Variants in RGS6 observed in about 807,000 individuals in gnomAD.
RGS6 encodes regulator of G-protein signaling 6.
In RGS6, 30 loss-of-function variants were observed where a neutral mutation model predicts 78.5. That is an observed-to-expected ratio of 0.38 (90% CI 0.29 to 0.52). The LOEUF (loss-of-function observed/expected upper bound fraction) is 0.52. Among genes scored for constraint, RGS6 ranks in the 20% least tolerant of loss-of-function variants. The pLI is 0.85. For synonymous variants in RGS6, 206 were observed against 206.0 expected (o/e 1.00, Z 0.00); for missense variants, 495 against 609.7 (o/e 0.81, Z 1.98).
At chr14:72,603,404 G>T in the RGS6 span, among the ~76,000 whole-genome samples, 1 of 152,212 alleles carries the variant, frequency 6.6e-6, no homozygotes, top group South Asian at 2.1e-4. Flanking sequence ...TTCTGATTCT[G>T]CCAGGGCCAT....
At position 72,510,166 on chromosome 14, in the gene RGS6, C is replaced by A; in HGVS notation, c.978C>A (p.Ser326Arg). ...LWDIEMSKEP[S>R]QQRVKRWGFS... ...CTTCACCCCAAAGCAAAGAGCCCAGCCAACAGCGAGTAAAAAGATGGGGCT... is the reference window on the plus strand; with the variant it reads ...CTTCACCCCAAAGCAAAGAGCCCAGACAACAGCGAGTAAAAAGATGGGGCT... The change falls in exon 14 of 18, where the codon AGC becomes AGA. Residue 326 changes from serine to arginine, a missense_variant. Physicochemically the swap from Ser to Arg is moderately radical, Grantham distance 110 (BLOSUM62 -1). Transcript: ENST00000553525. 6.2e-7 allele frequency: 1 copy of A among 1,610,016 alleles called. No homozygotes were observed. Among genetic ancestry groups the A allele is most frequent in the South Asian group, 1.1e-5 (1 of 90,096 alleles).
rs1387301746 is a variant in RGS6 at position 72,383,213 on chromosome 14, T to TATATATATATAC, written c.184+31020_184+31021insTATATATATACA. 3.1e-3 allele frequency among the ~76,000 whole-genome samples: 368 copies of TATATATATATAC among 118,196 alleles called. 16 individuals are homozygous for TATATATATATAC. Among genetic ancestry groups the TATATATATATAC allele is most frequent in the South Asian group, 5.7e-3 (19 of 3,350 alleles). 77.5% of individuals were successfully genotyped at this position (118,196 alleles called of 152,430 possible). ...ATATATATATATATATATATATATA[T>TATATATATATAC]ACACACAAACACACTAGTATGTGTG... On this transcript the variant is annotated intron_variant, in intron 3 of 17. Coordinates refer to ENST00000553525, the MANE Select transcript of RGS6 (RefSeq NM_001204424.2).
chr14:71,885,682 TTAA>T, the RGS6 span, among the ~76,000 whole-genome samples: 21 of 152,122 alleles, frequency 1.4e-4, no homozygotes, highest in Admixed American at 1.3e-3. Flanking sequence ...GGCTGCAAAA[TTAA>T]TAATACAGCG....
intron 2 of RGS6, among the ~76,000 whole-genome samples, chr14:72,239,428 CAGG>C (rs1330271818): frequency 6.6e-6 from 1 of 152,218 alleles, no homozygotes; most frequent in East Asian, 1.9e-4. Flanking sequence ...TGTGCCTCAT[CAGG>C]AGATTGTCTC....
At chr14:72,510,650 G>T (rs141996802) in intron 14 of RGS6, among the ~76,000 whole-genome samples, 1 of 152,216 alleles carries the variant, frequency 6.6e-6, no homozygotes, top group African/African-American at 2.4e-5. Context: ...AAACTTCCCA[G>T]TCTGGGGTCC....
At chr14:72,365,109 A>G (rs950964168) in intron 3 of RGS6, among the ~76,000 whole-genome samples, 6 of 152,226 alleles carry the variant, frequency 3.9e-5, no homozygotes, top group Admixed American at 6.5e-5. Context: ...ACACATAGCA[A>G]TATGCGGATG....
At chr14:72,622,322 G>T in the RGS6 span, among the ~76,000 whole-genome samples, 2 of 152,044 alleles carry the variant, frequency 1.3e-5, no homozygotes, top group African/African-American at 2.4e-5. Flanking sequence ...GACTGAAAAG[G>T]AACAGTCAGA....
At chr14:72,299,730 A>G (rs987394309) in intron 2 of RGS6, among the ~76,000 whole-genome samples, 3 of 152,220 alleles carry the variant, frequency 2.0e-5, no homozygotes, top group African/African-American at 4.8e-5. Context: ...CCTGATGGCT[A>G]ATGATGTTGA....
chr14:72,259,227 A>G (rs1410985265), intron 2 of RGS6, among the ~76,000 whole-genome samples: 1 of 152,230 alleles, frequency 6.6e-6, no homozygotes, highest in East Asian at 1.9e-4. Context: ...CAGATTTTGC[A>G]AAAATAACAT....
At chr14:72,079,751 CTT>C (rs927733629) in intron 2 of RGS6, among the ~76,000 whole-genome samples, 1 of 152,152 alleles carries the variant, frequency 6.6e-6, no homozygotes, top group African/African-American at 2.4e-5. Context: ...ATGAGTTCAA[CTT>C]TTTTTATTCT....
rs553442439 is a variant in RGS6 at position 71,973,577 on chromosome 14, T to A, written c.84+8702T>A. On this transcript the variant is annotated intron_variant, in intron 2 of 17. Transcript: ENST00000553525. The stretch of plus-strand genomic sequence containing the variant: ...GCACACGCCTGTAATCCCAGCTACT[T>A]GGGAGGCTGAGGCAGGAGAATCACT... 5.3e-5 allele frequency among the ~76,000 whole-genome samples: 8 copies of A among 152,200 alleles called. No homozygotes were observed. The East Asian group carries it at 1.5e-3, about 29-fold the overall frequency.
intron 13 of RGS6, among the ~76,000 whole-genome samples, chr14:72,502,742 C>T (rs1399245974): frequency 2.6e-5 from 4 of 151,686 alleles, no homozygotes; most frequent in Non-Finnish European, 5.9e-5. Flanking sequence ...CCAGCCTGAG[C>T]GACAGGGTGA....
chr14:72,230,585 C>A (rs1443507370), intron 2 of RGS6, among the ~76,000 whole-genome samples: 1 of 152,142 alleles, frequency 6.6e-6, no homozygotes, highest in Non-Finnish European at 1.5e-5. Flanking sequence ...CGTACGTACA[C>A]ACACACAGAA....
At chr14:72,557,658 A>C (rs1041689944) in intron 17 of RGS6, among the ~76,000 whole-genome samples, 5 of 151,964 alleles carry the variant, frequency 3.3e-5, no homozygotes, top group African/African-American at 4.8e-5. Context: ...TGAGAGCACG[A>C]CTCATCTCTC....
chr14:72,251,377 A>G (rs2055730333), intron 2 of RGS6, among the ~76,000 whole-genome samples: 1 of 152,172 alleles, frequency 6.6e-6, no homozygotes, highest in Admixed American at 6.5e-5. Flanking sequence ...CAATTCTTTT[A>G]GAAAAAGTTT....
intron 2 of RGS6, among the ~76,000 whole-genome samples, chr14:72,198,331 G>A (rs1019081966): frequency 3.3e-5 from 5 of 152,296 alleles, no homozygotes; most frequent in South Asian, 2.1e-4. Context: ...CCAGCCTGGC[G>A]ACAGAGCAAA....
chr14:71,962,423 A>G (rs1003479699), intron 1 of RGS6, among the ~76,000 whole-genome samples: 1 of 152,230 alleles, frequency 6.6e-6, no homozygotes, highest in Non-Finnish European at 1.5e-5. Flanking sequence ...AAATAAAGCG[A>G]CAGAAACTTA....
intron 5 of RGS6, among the ~76,000 whole-genome samples, chr14:72,458,866 C>A (rs1383774340): frequency 6.6e-6 from 1 of 152,140 alleles, no homozygotes; most frequent in East Asian, 1.9e-4. Context: ...GGCCCCACCT[C>A]CCAATACCAT....
chr14:72,377,934 T>C (rs1436534059), intron 3 of RGS6, among the ~76,000 whole-genome samples: 2 of 152,204 alleles, frequency 1.3e-5, no homozygotes, highest in Non-Finnish European at 2.9e-5. Flanking sequence ...CAGTGAGCCA[T>C]GATCATGCCT....
Sources: allele counts gnomAD v4.1 joint callset (sites outside exome capture counted in the v4.1 genomes callset), GRCh38; gene constraint gnomAD v4.1.1; transcripts MANE v1.5; gene names NCBI Gene and HGNC (gene_info 2026-07-23, HGNC 2026-07-21).